IL12RB2: variants seen among roughly 807,000 people sequenced by gnomAD.
The protein encoded by IL12RB2 is interleukin 12 receptor subunit beta 2, also known as interleukin-12 receptor subunit beta-2.
In IL12RB2, 82 loss-of-function variants were observed where a neutral mutation model predicts 89.4. The ratio of observed to expected loss-of-function variants is 0.92; its 90% confidence interval spans 0.77 to 1.10. IL12RB2 has a LOEUF of 1.10. Among genes scored for constraint, IL12RB2 ranks in the 50% least tolerant of loss-of-function variants. The probability of loss-of-function intolerance (pLI) is 0.00; values close to 1 mark genes in which losing one functional copy is unlikely to be tolerated. For missense variants in IL12RB2, 963 were observed against 1,031.9 expected, an observed-to-expected ratio of 0.93 and a Z score of 0.92; for synonymous variants, 368 against 370.1, an observed-to-expected ratio of 0.99 and a Z score of 0.07.
At chr1:67,365,374 A>C (rs1246458843) in intron 10 of IL12RB2, among the ~76,000 whole-genome samples, 2 of 152,164 alleles carry the variant, frequency 1.3e-5, no homozygotes, top group Non-Finnish European at 2.9e-5. Context: ...AGATCAATAA[A>C]ATTTATAAAA....
intron 1 of IL12RB2, among the ~76,000 whole-genome samples, chr1:67,310,417 T>C (rs560578776): frequency 7.9e-5 from 12 of 152,222 alleles, no homozygotes; most frequent in African/African-American, 2.9e-4. Context: ...GTCAAAATTG[T>C]TTGGGAAAAT....
intron 16 of IL12RB2, among the ~76,000 whole-genome samples, chr1:67,391,110 A>G (rs1665764322): frequency 6.6e-6 from 1 of 152,014 alleles, no homozygotes; most frequent in East Asian, 1.9e-4. Context: ...GCCACTTACT[A>G]TGTGTGTGAC....
rs1006759240 is a variant in IL12RB2 at position 67,328,190 on chromosome 1, T to G, written c.480-10T>G. The G allele has an allele frequency of 6.3e-7, 1 of 1,594,046 alleles. No homozygotes were observed. Among genetic ancestry groups the G allele is most frequent in the Non-Finnish European group, 8.6e-7 (1 of 1,161,758 alleles). ...ACATGTTGCTACACGTGGTTGTGTTTTGTTTACAGGCTAAGTGGACCAAAA... is the reference window on the plus strand; with the variant it reads ...ACATGTTGCTACACGTGGTTGTGTTGTGTTTACAGGCTAAGTGGACCAAAA... On this transcript the variant is annotated splice_polypyrimidine_tract_variant and intron_variant, in intron 5 of 16. Coordinates refer to ENST00000674203, the MANE Select transcript of IL12RB2 (RefSeq NM_001374259.2).
intron 14 of IL12RB2, among the ~76,000 whole-genome samples, chr1:67,380,832 T>A (rs1022624882): frequency 1.4e-4 from 22 of 152,184 alleles, no homozygotes; most frequent in African/African-American, 4.6e-4. Context: ...TCTGGCATTC[T>A]CCATGTGTCC....
intron 10 of IL12RB2, among the ~76,000 whole-genome samples, chr1:67,364,752 C>T (rs1662494716): frequency 2.0e-5 from 3 of 152,292 alleles, no homozygotes; most frequent in South Asian, 2.1e-4. Flanking sequence ...ACAAAGACTG[C>T]AGACAGAAAA....
intron 16 of IL12RB2, among the ~76,000 whole-genome samples, chr1:67,392,634 T>C (rs1026806381): frequency 1.4e-5 from 2 of 142,148 alleles, no homozygotes; most frequent in African/African-American, 5.2e-5. Flanking sequence ...TTTTTTTTTT[T>C]TTTTTTTTTT....
intron 13 of IL12RB2, among the ~76,000 whole-genome samples, chr1:67,377,672 T>C (rs1664122138): frequency 6.7e-6 from 1 of 148,752 alleles, no homozygotes; most frequent in Non-Finnish European, 1.5e-5. Flanking sequence ...CTTTGCCTCA[T>C]TGCCTATCTT....
chr1:67,326,042 C>A (rs561755734), intron 4 of IL12RB2, among the ~76,000 whole-genome samples: 2 of 152,134 alleles, frequency 1.3e-5, no homozygotes, highest in African/African-American at 2.4e-5. Context: ...GTACTCAATG[C>A]CTATGTACAC....
At chr1:67,366,123 T>C (rs1432341885) in intron 10 of IL12RB2, among the ~76,000 whole-genome samples, 1 of 151,986 alleles carries the variant, frequency 6.6e-6, no homozygotes, top group East Asian at 1.9e-4. Flanking sequence ...GTCAAATAAC[T>C]AGTAATATAT....
intron 4 of IL12RB2, among the ~76,000 whole-genome samples, chr1:67,322,135 C>T (rs934983788): frequency 6.6e-6 from 1 of 152,026 alleles, no homozygotes; most frequent in Non-Finnish European, 1.5e-5. Flanking sequence ...GTCCTTAACT[C>T]CAGTGGCAGA....
At position 67,372,432 on chromosome 1, in the gene IL12RB2, G is replaced by A. The variant is rs897469436; in HGVS notation, c.1460-4G>A. On this transcript the variant is annotated splice_region_variant and splice_polypyrimidine_tract_variant and intron_variant, in intron 11 of 16. Coordinates refer to ENST00000674203, the MANE Select transcript of IL12RB2 (RefSeq NM_001374259.2). Reference sequence around the variant, plus strand: ...CTGTTATGGGAATTCCCTTTTCCTTGCAGAGAACATAAAATCCTACATCTG... The same window carrying A: ...CTGTTATGGGAATTCCCTTTTCCTTACAGAGAACATAAAATCCTACATCTG... 2.6e-6 allele frequency: 4 copies of A among 1,510,988 alleles called. No individual in the cohort carries two copies. Among genetic ancestry groups the A allele is most frequent in the South Asian group, 1.1e-5 (1 of 89,030 alleles). The allele number at this position is 1,510,988 out of a possible 1,614,324, so 93.6% of individuals were successfully genotyped here.
intron 10 of IL12RB2, among the ~76,000 whole-genome samples, chr1:67,363,989 G>C (rs1162686617): frequency 1.3e-5 from 2 of 152,160 alleles, no homozygotes; most frequent in African/African-American, 4.8e-5. Context: ...ACTCCATCAA[G>C]TTATTTTGAA....
At chr1:67,320,311 T>A in intron 2 of IL12RB2, 22 bp from the exon 3 acceptor site, 8 of 1,613,348 alleles carry the variant, frequency 5.0e-6, no homozygotes, top group Non-Finnish European at 6.8e-6. Flanking sequence ...TTAACATGAA[T>A]GAATTTGTCT....
intron 9 of IL12RB2, among the ~76,000 whole-genome samples, chr1:67,344,346 G>T (rs547751818): frequency 6.6e-6 from 1 of 152,282 alleles, no homozygotes; most frequent in African/African-American, 2.4e-5. Context: ...AGGCTGGAGT[G>T]CAGTGGCGTG....
chr1:67,379,382 T>C (rs985871526), intron 13 of IL12RB2, among the ~76,000 whole-genome samples: 46 of 126,990 alleles, frequency 3.6e-4, no homozygotes, highest in East Asian at 1.5e-3. Flanking sequence ...TGGTGGCACA[T>C]ACCTGTAGTC....
chr1:67,344,446 C>A (rs1046695253), intron 9 of IL12RB2, among the ~76,000 whole-genome samples: 4 of 152,104 alleles, frequency 2.6e-5, no homozygotes, highest in Non-Finnish European at 2.9e-5. Context: ...GTGTGTGCCA[C>A]CATGCCTGGC....
At chr1:67,361,213 TA>T (rs1181642455) in intron 10 of IL12RB2, among the ~76,000 whole-genome samples, 2 of 152,152 alleles carry the variant, frequency 1.3e-5, no homozygotes, top group Non-Finnish European at 2.9e-5. Context: ...TTTTACTTAG[TA>T]AATCATATCC....
At chr1:67,354,192 C>T (rs1661136227) in intron 10 of IL12RB2, among the ~76,000 whole-genome samples, 1 of 151,992 alleles carries the variant, frequency 6.6e-6, no homozygotes, top group Non-Finnish European at 1.5e-5. Context: ...GGAGAGGAGG[C>T]CAGGAGAGCT....
chr1:67,347,386 T>A (rs867616672), intron 9 of IL12RB2, among the ~76,000 whole-genome samples: 14 of 152,310 alleles, frequency 9.2e-5, no homozygotes, highest in Middle Eastern at 6.8e-3. Context: ...GTTTTTTAAA[T>A]CTTAAGAAGA....
Sources: gnomAD v4.1 joint callset for allele counts (sites outside exome capture counted in the v4.1 genomes callset) on GRCh38, gnomAD v4.1.1 for gene constraint, MANE v1.5 for transcripts, NCBI Gene and HGNC (gene_info 2026-07-23, HGNC 2026-07-21) for gene names.